The following NELL1 variants were observed in gnomAD, a reference collection of about 807,000 sequenced individuals.
NELL1 encodes neural EGFL like 1, also known as protein kinase C-binding protein NELL1.
In NELL1, 76 loss-of-function variants were observed where a neutral mutation model predicts 107.4. That is an observed-to-expected ratio of 0.71 (90% confidence interval 0.59 to 0.86). The LOEUF is 0.86. Ranked by LOEUF, NELL1 falls within the 40% of genes least tolerant of loss-of-function variation. NELL1 has a pLI of 0.00. For missense variants in NELL1, 1,024 were observed against 1,005.5 expected (o/e 1.02, Z -0.25); for synonymous variants, 353 against 341.2 (o/e 1.03, Z -0.38).
At chr11:21,400,140 T>C (rs1852066562) in intron 15 of NELL1, among the ~76,000 whole-genome samples, 1 of 151,814 alleles carries the variant, frequency 6.6e-6, no homozygotes, top group African/African-American at 2.4e-5. Flanking sequence ...CACAAAACCA[T>C]AGTTTGTGTC....
At chr11:20,888,477 A>G (rs1277250569) in intron 5 of NELL1, among the ~76,000 whole-genome samples, 4 of 151,304 alleles carry the variant, frequency 2.6e-5, no homozygotes, top group African/African-American at 4.8e-5. Flanking sequence ...TAAAGAATAT[A>G]TTATGTCTAT....
chr11:20,693,280 A>C (rs1206837230), intron 2 of NELL1, among the ~76,000 whole-genome samples: 1 of 151,898 alleles, frequency 6.6e-6, no homozygotes, highest in Admixed American at 6.6e-5. Flanking sequence ...CATTTAGTCC[A>C]TTTACATTTA....
At chr11:21,431,268 C>G (rs535005996) in intron 15 of NELL1, among the ~76,000 whole-genome samples, 4 of 152,232 alleles carry the variant, frequency 2.6e-5, no homozygotes, top group South Asian at 4.2e-4. Flanking sequence ...CCCAGACACC[C>G]ACGATCTGCA....
At chr11:21,473,040 CT>C (rs1391433515) in intron 15 of NELL1, among the ~76,000 whole-genome samples, 3 of 151,978 alleles carry the variant, frequency 2.0e-5, no homozygotes, top group African/African-American at 7.2e-5. Context: ...AAAGTAGGAA[CT>C]AAAATCCAAG....
chr11:20,940,135 G>A (rs1850817501), intron 10 of NELL1, among the ~76,000 whole-genome samples: 1 of 152,000 alleles, frequency 6.6e-6, no homozygotes, highest in Non-Finnish European at 1.5e-5. Context: ...ACTTCTCTCT[G>A]TGTCTCTGTC....
intron 12 of NELL1, among the ~76,000 whole-genome samples, chr11:21,063,495 C>T (rs553619367): frequency 1.2e-4 from 19 of 152,156 alleles, no homozygotes; most frequent in Non-Finnish European, 2.4e-4. Flanking sequence ...CAGCCCCAAT[C>T]CTGACATTAT....
intron 12 of NELL1, among the ~76,000 whole-genome samples, chr11:21,072,554 C>T (rs1301827606): frequency 2.6e-5 from 4 of 152,120 alleles, no homozygotes; most frequent in Admixed American, 2.0e-4. Context: ...GAATATAGCA[C>T]AGTAACAATT....
At chr11:21,300,266 G>A (rs74901711) in intron 14 of NELL1, among the ~76,000 whole-genome samples, 25 of 151,948 alleles carry the variant, frequency 1.6e-4, no homozygotes, top group Admixed American at 1.3e-4. Flanking sequence ...CTGTGAGTCA[G>A]GGATGAGCTC....
rs36125830 is a variant in NELL1 at position 21,493,527 on chromosome 11, T to TA, written c.1646-40834dup. On this transcript the variant is annotated intron_variant, in intron 15 of 19. Transcript: ENST00000357134. ...CATATTCTCACTTATGTGTAGGAGC[T>TA]AAAAAAAAAAAAATTGATCTTCTGG... Among the ~76,000 whole-genome samples the TA allele has an allele frequency of 0.026, 3,912 of 149,542 alleles. 252 individuals carry two copies. The East Asian group carries it at 0.26, about 10-fold the overall frequency.
intron 12 of NELL1, among the ~76,000 whole-genome samples, chr11:21,020,249 C>T (rs7929034): frequency 0.35 from 53,380 of 152,060 alleles, 12,502 homozygotes; most frequent in African/African-American, 0.67. Flanking sequence ...AGCATACCAA[C>T]ACAACATTAT....
chr11:20,897,300 T>C lies in NELL1; in HGVS notation c.603+11760T>C, dbSNP rs1186320546. Among the ~76,000 whole-genome samples the C allele has an allele frequency of 3.9e-5, 6 of 151,984 alleles. No individual in the cohort carries two copies. In the East Asian group the frequency reaches 5.8e-4, roughly 15 times the overall value. On this transcript the variant is annotated intron_variant, in intron 5 of 19. Transcript: ENST00000357134. ...TGATTTTTGACAAACCTGACAAAAATAAGAAATGGGGAAAGGATTCCCTAT... is the reference window on the plus strand; with the variant it reads ...TGATTTTTGACAAACCTGACAAAAACAAGAAATGGGGAAAGGATTCCCTAT...
At chr11:21,003,099 A>C (rs1431844058) in intron 12 of NELL1, among the ~76,000 whole-genome samples, 1 of 152,184 alleles carries the variant, frequency 6.6e-6, no homozygotes, top group African/African-American at 2.4e-5. Flanking sequence ...TTTCTATTGA[A>C]TAAACATTTG....
At chr11:21,037,613 G>C (rs1853127439) in intron 12 of NELL1, among the ~76,000 whole-genome samples, 1 of 151,990 alleles carries the variant, frequency 6.6e-6, no homozygotes, top group Non-Finnish European at 1.5e-5. Context: ...TTTCCATTTT[G>C]AGAAAATCTA....
At chr11:20,710,656 G>C (rs568808296) in intron 2 of NELL1, among the ~76,000 whole-genome samples, 15 of 151,916 alleles carry the variant, frequency 9.9e-5, no homozygotes, top group African/African-American at 3.4e-4. Flanking sequence ...CTGTGAATGC[G>C]TCTGGTCCTG....
At chr11:20,872,896 G>A (rs149011434) in intron 4 of NELL1, among the ~76,000 whole-genome samples, 2 of 152,252 alleles carry the variant, frequency 1.3e-5, no homozygotes, top group African/African-American at 4.8e-5. Flanking sequence ...TGTCACACAT[G>A]CTCACTGAAT....
intron 12 of NELL1, among the ~76,000 whole-genome samples, chr11:21,085,458 C>G (rs2133678869): frequency 6.6e-6 from 1 of 152,144 alleles, no homozygotes; most frequent in South Asian, 2.1e-4. Context: ...ACTAATGAGG[C>G]CCCACCTCTA....
intron 4 of NELL1, among the ~76,000 whole-genome samples, chr11:20,864,339 A>AT (rs1283354476): frequency 6.6e-6 from 1 of 152,132 alleles, no homozygotes; most frequent in Non-Finnish European, 1.5e-5. Context: ...TTCTCTTTGC[A>AT]TTTTTCGAAG....
chr11:21,120,294 C>T (rs1326657114), intron 13 of NELL1, among the ~76,000 whole-genome samples: 2 of 152,090 alleles, frequency 1.3e-5, no homozygotes, highest in East Asian at 3.9e-4. Flanking sequence ...ATATGCTTTA[C>T]TCCCATGATG....
At chr11:21,067,811 T>A (rs1590604384) in intron 12 of NELL1, among the ~76,000 whole-genome samples, 1 of 152,074 alleles carries the variant, frequency 6.6e-6, no homozygotes, top group East Asian at 1.9e-4. Flanking sequence ...GGTGGATGGA[T>A]CACTTGAGGT....
Sources: allele counts gnomAD v4.1 joint callset (sites outside exome capture counted in the v4.1 genomes callset), GRCh38; gene constraint gnomAD v4.1.1; transcripts MANE v1.5; gene names NCBI Gene and HGNC (gene_info 2026-07-23, HGNC 2026-07-21).